TMEM255B: variants seen among roughly 807,000 people sequenced by gnomAD.
The protein encoded by TMEM255B is transmembrane protein 255B.
TMEM255B carries 35 observed loss-of-function variants against 34.5 expected under a neutral mutation model. That is an observed-to-expected ratio of 1.01 (90% CI 0.77 to 1.34). The LOEUF is 1.34. Ranked by LOEUF, TMEM255B falls within the 40% of genes most tolerant of loss-of-function variation. The pLI is 0.00. For synonymous variants in TMEM255B, 206 were observed against 201.2 expected, an observed-to-expected ratio of 1.02 and a Z score of -0.20; for missense variants, 432 against 433.2, an observed-to-expected ratio of 1.00 and a Z score of 0.02.
At chr13:113,803,846 C>T (rs66615709) in intron 7 of TMEM255B, among the ~76,000 whole-genome samples, 106,124 of 151,762 alleles carry the variant, frequency 0.7, 37,323 homozygotes, top group East Asian at 0.85. Flanking sequence ...CCCAGGGGTG[C>T]GGGCAGCACC....
chr13:113,789,040 G>T (rs1390962577), intron 3 of TMEM255B, among the ~76,000 whole-genome samples: 1 of 151,900 alleles, frequency 6.6e-6, no homozygotes, highest in South Asian at 2.1e-4. Flanking sequence ...GTCTCTGCTC[G>T]AATGTCCCAG....
rs1566342443 is a variant in TMEM255B, at chr13:113,813,000, T to TGGGTCACGGGCCCCGGGTGGGTCACGGGC, written c.*1097_*1098insGGGTCACGGGCCCCGGGTGGGTCACGGGC. 1 of 106,792 alleles carries TGGGTCACGGGCCCCGGGTGGGTCACGGGC rather than the reference T, an allele frequency of 9.4e-6. No individual in the cohort carries two copies. Among genetic ancestry groups the TGGGTCACGGGCCCCGGGTGGGTCACGGGC allele is most frequent in the African/African-American group, 5.7e-5 (1 of 17,460 alleles). The allele number at this position is 106,792 out of a possible 1,614,324, so 6.6% of individuals were successfully genotyped here. A position where few individuals can be genotyped will look rare whatever the true frequency, so the allele number is the denominator to read the frequency against. On this transcript the variant is annotated 3_prime_UTR_variant, in exon 9 of 9. Transcript: ENST00000375353. ...TCACGGGTCCCGGGTGGGTCACGGG[T>TGGGTCACGGGCCCCGGGTGGGTCACGGGC]CCCGAGTGGGTCACGGGTCCCGGGT...
chr13:113,759,660 A>G (rs1170329863), intron 1 of TMEM255B, among the ~76,000 whole-genome samples: 2 of 152,008 alleles, frequency 1.3e-5, no homozygotes, highest in African/African-American at 4.8e-5. Context: ...ACGTTTTATT[A>G]TGAGGAACAG....
At chr13:113,800,082 ATG>A (rs1268390962) in intron 5 of TMEM255B, 109 of 1,043,868 alleles carry the variant, frequency 1.0e-4, no homozygotes, top group South Asian at 1.7e-4. Flanking sequence ...GTGTGTGTTT[ATG>A]TGTGTGTGTG....
Position 113,801,659 on chromosome 13 carries a change from G to A in TMEM255B, c.516G>A (p.Glu172=). ...TGGTGCCCTCTCTGTGCAGCGCAGA[G>A]CCCTCGCCCGCCTACTATGAGTTCA... ...CCDLYACGSA[E]PSPAYYEFIG... is the part of the protein sequence containing the mutation. Residue 172 remains glutamate, a synonymous_variant, in exon 7 of 9, where the codon GAG becomes GAA. Coordinates refer to ENST00000375353, the MANE Select transcript of TMEM255B (RefSeq NM_182614.4). 1 of 1,608,218 alleles carries A rather than the reference G, an allele frequency of 6.2e-7. No individual in the cohort carries two copies.
intron 6 of TMEM255B, among the ~76,000 whole-genome samples, chr13:113,801,218 A>G (rs1249051884): frequency 6.6e-6 from 1 of 152,210 alleles, no homozygotes; most frequent in Non-Finnish European, 1.5e-5. Context: ...TGAAATGTTG[A>G]TCTGCCCAAG....
chr13:113,783,275 C>T (rs912837221), intron 3 of TMEM255B, among the ~76,000 whole-genome samples: 1 of 152,138 alleles, frequency 6.6e-6, no homozygotes, highest in African/African-American at 2.4e-5. Flanking sequence ...GACAGGTGAT[C>T]ACGTGGTTTC....
chr13:113,788,807 C>T (rs2050783026), intron 3 of TMEM255B, among the ~76,000 whole-genome samples: 2 of 152,258 alleles, frequency 1.3e-5, no homozygotes, highest in Middle Eastern at 6.8e-3. Flanking sequence ...GCTGCCCTCA[C>T]CCCAGCCAGA....
At chr13:113,808,490 T>G (rs935469066) in intron 8 of TMEM255B, among the ~76,000 whole-genome samples, 3 of 149,900 alleles carry the variant, frequency 2.0e-5, no homozygotes, top group African/African-American at 7.4e-5. Context: ...TGGGGGTTTA[T>G]TCCATGGTTC....
intron 3 of TMEM255B, among the ~76,000 whole-genome samples, chr13:113,773,557 C>T (rs117772189): frequency 3.9e-5 from 6 of 152,326 alleles, no homozygotes; most frequent in East Asian, 3.9e-4. Flanking sequence ...GGAAGGCACC[C>T]GGATGCCCCA....
intron 7 of TMEM255B, 67 bp downstream of exon 7, chr13:113,801,879 G>A: frequency 1.4e-6 from 2 of 1,470,958 alleles, no homozygotes; most frequent in Non-Finnish European, 9.1e-7. Flanking sequence ...TTTCCCCGGG[G>A]TGGGCTGGGG....
At chr13:113,774,471 T>C (rs2050526327) in intron 3 of TMEM255B, among the ~76,000 whole-genome samples, 1 of 152,006 alleles carries the variant, frequency 6.6e-6, no homozygotes, top group Non-Finnish European at 1.5e-5. Flanking sequence ...AACTGGCAAT[T>C]CTCCTGTGCC....
At chr13:113,800,095 T>TG (rs1235967662) in intron 5 of TMEM255B, 238 of 978,832 alleles carry the variant, frequency 2.4e-4, no homozygotes, top group African/African-American at 9.7e-4. Flanking sequence ...TGTGTGTGTG[T>TG]GGGGGGGGGT....
rs1555303870 is a variant in TMEM255B, at chr13:113,816,326, T to TCA, written c.*4423_*4424insCA. The TCA allele has an allele frequency of 5.9e-6, 1 of 168,168 alleles. No homozygotes were observed. Among genetic ancestry groups the TCA allele is most frequent in the Admixed American group, 6.5e-5 (1 of 15,328 alleles). 10.4% of individuals were successfully genotyped at this position (168,168 alleles called of 1,614,324 possible). ...CACTGGTCAGGGACACGAGTTCTTG[T>TCA]GGGAAGAGGAGTGTCCGGGAGCCAG... On this transcript the variant is annotated 3_prime_UTR_variant, in exon 9 of 9. Coordinates refer to ENST00000375353, the MANE Select transcript of TMEM255B (RefSeq NM_182614.4).
intron 1 of TMEM255B, 112 bp from the exon 2 acceptor site, chr13:113,766,003 G>C: frequency 6.3e-6 from 9 of 1,431,598 alleles, no homozygotes; most frequent in Non-Finnish European, 8.6e-6. Flanking sequence ...AGGCAGGCGG[G>C]GATAGTGCAT....
At chr13:113,801,555 C>T (rs1477419895) in intron 6 of TMEM255B, 98 bp from the exon 7 acceptor site, 6 of 1,375,216 alleles carry the variant, frequency 4.4e-6, no homozygotes, top group Admixed American at 2.6e-5. Context: ...CTGATTTCCT[C>T]CCCCAGCCCT....
chr13:113,786,661 C>T (rs1456658893), intron 3 of TMEM255B, among the ~76,000 whole-genome samples: 2 of 151,890 alleles, frequency 1.3e-5, no homozygotes, highest in African/African-American at 4.8e-5. Flanking sequence ...TTACCCTCAT[C>T]ACCATCATCA....
intron 3 of TMEM255B, among the ~76,000 whole-genome samples, chr13:113,777,633 G>A (rs1445812806): frequency 6.6e-6 from 1 of 152,234 alleles, no homozygotes; most frequent in Non-Finnish European, 1.5e-5. Context: ...GCTCCCGCCC[G>A]GGTCCACCAG....
At position 113,766,745 on chromosome 13, in the gene TMEM255B, G is replaced by A. The variant is rs906584241; in HGVS notation, c.189+488G>A. Among the ~76,000 whole-genome samples, 4 of 152,220 alleles carry A rather than the reference G, an allele frequency of 2.6e-5. No individual in the cohort carries two copies. The East Asian group carries it at 5.8e-4, about 22-fold the overall frequency. On this transcript the variant is annotated intron_variant, in intron 2 of 8. Coordinates refer to ENST00000375353, the MANE Select transcript of TMEM255B (RefSeq NM_182614.4). ...AACTTTAAACGATTCCTACCAAGAA[G>A]CCGTGGGTCAAAGATCGTATTAGTG... is the stretch of plus-strand genomic sequence containing the variant.
Sources: gnomAD v4.1 joint callset for allele counts (sites outside exome capture counted in the v4.1 genomes callset) on GRCh38, gnomAD v4.1.1 for gene constraint, MANE v1.5 for transcripts, NCBI Gene and HGNC (gene_info 2026-07-23, HGNC 2026-07-21) for gene names.